Variants in PRKCB observed in about 807,000 individuals in gnomAD.
PRKCB encodes the protein protein kinase C beta type.
PRKCB carries 13 observed loss-of-function variants against 81.5 expected under a neutral mutation model. The observed-to-expected ratio is 0.16, with a 90% CI of 0.10 to 0.25. The LOEUF (loss-of-function observed/expected upper bound fraction) is 0.25, where lower values mean the gene tolerates loss of function less well. Among genes scored for constraint, PRKCB ranks in the 10% least tolerant of loss-of-function variants. The pLI, the probability that PRKCB is intolerant of heterozygous loss-of-function variation, is 1.00. For missense variants in PRKCB, 509 were observed against 875.7 expected (o/e 0.58, Z 5.29); for synonymous variants, 335 against 321.4 (o/e 1.04, Z -0.45).
At chr16:24,114,819 T>G (rs1966717720) in intron 8 of PRKCB, among the ~76,000 whole-genome samples, 2 of 152,070 alleles carry the variant, frequency 1.3e-5, no homozygotes, top group Admixed American at 1.3e-4. Context: ...AAATTAATTT[T>G]TATTATTGTT....
chr16:23,869,293 G>A lies in PRKCB; in HGVS notation c.205+31887G>A, dbSNP rs375031875. On this transcript the variant is annotated intron_variant, in intron 2 of 16. Transcript: ENST00000643927. ...GTTGCCTCAGCTGCGTCCTGGGATG[G>A]AAAAGACACAGGAAGTAGAATCACA... 2.7e-4 allele frequency: 87 copies of A among 317,578 alleles called. 1 individual carries two copies. The highest frequency in any genetic ancestry group is 2.0e-3 in the South Asian group (79 of 40,198). The allele number at this position is 317,578 out of a possible 1,614,324, so 19.7% of individuals were successfully genotyped here.
At chr16:23,841,649 C>CTTTTTTTTTTT (rs59288831) in intron 2 of PRKCB, among the ~76,000 whole-genome samples, 2 of 59,046 alleles carry the variant, frequency 3.4e-5, no homozygotes, top group Non-Finnish European at 5.8e-5. Flanking sequence ...CACCACGGCC[C>CTTTTTTTTTTT]TTTTTTTTTT....
intron 3 of PRKCB, among the ~76,000 whole-genome samples, chr16:24,017,058 C>T (rs1965289133): frequency 6.6e-6 from 1 of 152,024 alleles, no homozygotes; most frequent in Non-Finnish European, 1.5e-5. Flanking sequence ...ATAAGAATAA[C>T]CAAGAAAAAT....
intron 3 of PRKCB, among the ~76,000 whole-genome samples, chr16:24,007,601 C>T (rs1434487934): frequency 6.6e-6 from 1 of 152,198 alleles, no homozygotes; most frequent in East Asian, 1.9e-4. Flanking sequence ...GAGCTGCATG[C>T]TGTGGAGGAA....
chr16:23,908,721 G>A (rs1421793847), intron 2 of PRKCB, among the ~76,000 whole-genome samples: 2 of 151,724 alleles, frequency 1.3e-5, no homozygotes, highest in East Asian at 1.9e-4. Flanking sequence ...TAGTAGAGAC[G>A]GGGTTTCACC....
chr16:23,936,105 T>A (rs1964054157), intron 2 of PRKCB, among the ~76,000 whole-genome samples: 1 of 152,166 alleles, frequency 6.6e-6, no homozygotes, highest in Admixed American at 6.5e-5. Flanking sequence ...TCCCACCCCC[T>A]TCTCTGGATA....
chr16:24,154,283 C>T (rs946555051), intron 9 of PRKCB, among the ~76,000 whole-genome samples: 2 of 152,112 alleles, frequency 1.3e-5, no homozygotes, highest in African/African-American at 4.8e-5. Context: ...AGGATACCAG[C>T]CTGGGCAACA....
intron 9 of PRKCB, chr16:24,151,568 G>A (rs901356439): frequency 3.4e-6 from 1 of 296,692 alleles, no homozygotes; most frequent in Non-Finnish European, 6.8e-6. Context: ...GGTAGTGGCC[G>A]ATTTGGTCTG....
chr16:23,929,979 T>C (rs1182648567), intron 2 of PRKCB, among the ~76,000 whole-genome samples: 1 of 152,064 alleles, frequency 6.6e-6, no homozygotes, highest in Non-Finnish European at 1.5e-5. Flanking sequence ...TGTAACATTT[T>C]ATATGTGTAA....
At chr16:24,155,814 G>A (rs1185446053) in intron 10 of PRKCB, among the ~76,000 whole-genome samples, 7 of 152,122 alleles carry the variant, frequency 4.6e-5, no homozygotes, top group African/African-American at 1.7e-4. Flanking sequence ...GTGACCTGTA[G>A]CATTTTCACA....
chr16:23,841,059 AT>A (rs894347204), intron 2 of PRKCB, among the ~76,000 whole-genome samples: 2 of 151,926 alleles, frequency 1.3e-5, no homozygotes, highest in African/African-American at 2.4e-5. Flanking sequence ...TCTCTATGGC[AT>A]TTTTTTCTTT....
intron 2 of PRKCB, among the ~76,000 whole-genome samples, chr16:23,946,539 G>A (rs1212031648): frequency 1.3e-5 from 2 of 151,942 alleles, no homozygotes; most frequent in Admixed American, 6.6e-5. Context: ...GGGCTATAGG[G>A]TTGTTAAGAT....
chr16:23,983,982 A>C (rs190197087), intron 2 of PRKCB, among the ~76,000 whole-genome samples: 20 of 152,354 alleles, frequency 1.3e-4, no homozygotes, highest in African/African-American at 4.8e-4. Flanking sequence ...CTACTTTCCT[A>C]AATATTTCTG....
At chr16:23,998,966 G>A (rs116374601) in intron 3 of PRKCB, among the ~76,000 whole-genome samples, 7 of 152,200 alleles carry the variant, frequency 4.6e-5, no homozygotes, top group Non-Finnish European at 8.8e-5. Flanking sequence ...CAGCCAGCAT[G>A]CATAGGATTT....
intron 10 of PRKCB, among the ~76,000 whole-genome samples, chr16:24,161,294 CAT>C (rs1242921114): frequency 6.6e-6 from 1 of 152,104 alleles, no homozygotes; most frequent in Non-Finnish European, 1.5e-5. Context: ...ATCTTTCAAA[CAT>C]ATGCACAGCA....
At chr16:24,003,386 G>GTTT (rs35881842) in intron 3 of PRKCB, among the ~76,000 whole-genome samples, 2 of 130,862 alleles carry the variant, frequency 1.5e-5, no homozygotes, top group African/African-American at 5.8e-5. Context: ...TCCTGCATTC[G>GTTT]TTTTTTTTTT....
At chr16:23,866,986 CCCTT>C (rs1346879024) in intron 2 of PRKCB, among the ~76,000 whole-genome samples, 42 of 64,814 alleles carry the variant, frequency 6.5e-4, no homozygotes, top group Non-Finnish European at 8.8e-4. Context: ...TCCCTTCCTT[CCCTT>C]CCTTCCCTTC....
At chr16:23,932,295 T>C (rs938403519) in intron 2 of PRKCB, among the ~76,000 whole-genome samples, 23 of 152,372 alleles carry the variant, frequency 1.5e-4, no homozygotes, top group Non-Finnish European at 3.2e-4. Context: ...AGAATTGTTA[T>C]TGCTTTTACT....
chr16:23,850,994 C>A (rs1962462714), intron 2 of PRKCB, among the ~76,000 whole-genome samples: 1 of 152,020 alleles, frequency 6.6e-6, no homozygotes, highest in African/African-American at 2.4e-5. Flanking sequence ...TGTTTGAGTT[C>A]TTTGTATATT....
Sources: gnomAD v4.1 joint callset for allele counts (sites outside exome capture counted in the v4.1 genomes callset) on GRCh38, gnomAD v4.1.1 for gene constraint, MANE v1.5 for transcripts, NCBI Gene and HGNC (gene_info 2026-07-23, HGNC 2026-07-21) for gene names.